KCTD20: variants seen among roughly 807,000 people sequenced by gnomAD.
The protein encoded by KCTD20 is BTB/POZ domain-containing protein KCTD20.
In KCTD20, 30 loss-of-function variants were observed where a neutral mutation model predicts 39.6. The ratio of observed to expected loss-of-function variants is 0.76; its 90% confidence interval spans 0.57 to 1.03. KCTD20 has a LOEUF of 1.03. Ranked by LOEUF, KCTD20 falls within the 50% of genes least tolerant of loss-of-function variation. The pLI is 0.00. For missense variants in KCTD20, 422 were observed against 522.0 expected (o/e 0.81, Z 1.87); for synonymous variants, 162 against 180.6 (o/e 0.90, Z 0.83).
At chr6:36,484,464 T>C (rs1213353598) in intron 6 of KCTD20, among the ~76,000 whole-genome samples, 1 of 152,184 alleles carries the variant, frequency 6.6e-6, no homozygotes. Context: ...TGCAGAGATG[T>C]TGTATTTCTA....
At chr6:36,465,157 G>A (rs917543474) in intron 1 of KCTD20, among the ~76,000 whole-genome samples, 2 of 151,972 alleles carry the variant, frequency 1.3e-5, no homozygotes, top group Non-Finnish European at 2.9e-5. Context: ...TTAGCCGGGC[G>A]TGATGGTGCA....
At position 36,474,864 on chromosome 6, in the gene KCTD20, A is replaced by C. The variant is rs1342676123; in HGVS notation, c.236A>C (p.Lys79Thr). The C allele has an allele frequency of 6.2e-7, 1 of 1,614,184 alleles. No homozygotes were observed. The highest frequency in any genetic ancestry group is 1.7e-5 in the Admixed American group (1 of 60,026). The change falls in exon 3 of 8, where the codon AAA becomes ACA. Residue 79 changes from lysine to threonine, a missense_variant. By Grantham distance (78) the Lys-to-Thr change is moderately conservative (BLOSUM62 -1). Coordinates refer to ENST00000373731, the MANE Select transcript of KCTD20 (RefSeq NM_173562.5). Reference protein sequence around the residue: ...PHIMPLAEDIKGSCFQSGNKR... With the variant: ...PHIMPLAEDITGSCFQSGNKR... ...ATAATGCCCCTTGCTGAAGACATCA[A>C]AGGTTCTTGCTTCCAAAGTGGGAAT...
chr6:36,466,731 G>A (rs566799223), intron 1 of KCTD20, among the ~76,000 whole-genome samples: 15 of 151,538 alleles, frequency 9.9e-5, no homozygotes, highest in African/African-American at 3.6e-4. Flanking sequence ...TTCTGAGGAC[G>A]AAGATTCATT....
intron 1 of KCTD20, among the ~76,000 whole-genome samples, chr6:36,448,013 GTGTATATATATATA>G (rs1215206069): frequency 2.3e-5 from 3 of 128,952 alleles, no homozygotes; most frequent in African/African-American, 9.7e-5. Context: ...GTATGTGTGT[GTGTATATATATATA>G]TATATATATA....
At chr6:36,472,582 G>C (rs1314750860) in intron 2 of KCTD20, among the ~76,000 whole-genome samples, 2 of 146,078 alleles carry the variant, frequency 1.4e-5, no homozygotes, top group Admixed American at 1.4e-4. Context: ...ATAGAAAAAT[G>C]TTAACAAATC....
In KCTD20 at chr6:36,487,911, A is replaced by G. The variant is rs1582384348; in HGVS notation, c.*736A>G. On this transcript the variant is annotated 3_prime_UTR_variant, in exon 8 of 8. Transcript: ENST00000373731. ...CATTTGGAATGAAACTCACAATGCA[A>G]GTAGAAGGACCTCTCCAAATCAGGC... The G allele has an allele frequency of 6.6e-6, 1 of 152,222 alleles. No homozygotes were observed. The highest frequency in any genetic ancestry group is 1.5e-5 in the Non-Finnish European group (1 of 68,046). The allele number at this position is 152,222 out of a possible 1,614,324, so 9.4% of individuals were successfully genotyped here.
At chr6:36,478,094 C>CAAA (rs1301151019) in intron 3 of KCTD20, among the ~76,000 whole-genome samples, 6 of 87,674 alleles carry the variant, frequency 6.8e-5, no homozygotes, top group Non-Finnish European at 8.7e-5. Flanking sequence ...AACTCCATCT[C>CAAA]AAAAAAAAAA....
At chr6:36,446,193 A>AT (rs1340095589) in intron 1 of KCTD20, among the ~76,000 whole-genome samples, 1 of 151,574 alleles carries the variant, frequency 6.6e-6, no homozygotes, top group Admixed American at 6.6e-5. Flanking sequence ...TGCCCGGCTA[A>AT]TTTTTTGTAT....
chr6:36,474,597 T>G (rs1776006905), intron 2 of KCTD20, among the ~76,000 whole-genome samples, 192 bp from the exon 3 acceptor site: 1 of 152,144 alleles, frequency 6.6e-6, no homozygotes, highest in Non-Finnish European at 1.5e-5. Flanking sequence ...ATGGAAGAGA[T>G]CCAATATAAG....
At chr6:36,478,661 G>T (rs1776145571) in intron 3 of KCTD20, among the ~76,000 whole-genome samples, 1 of 152,012 alleles carries the variant, frequency 6.6e-6, no homozygotes, top group African/African-American at 2.4e-5. Context: ...TTGATGAATG[G>T]CATATTAGAT....
At chr6:36,478,101 A>AAAGAAAAG (rs1776127158) in intron 3 of KCTD20, among the ~76,000 whole-genome samples, 1 of 145,702 alleles carries the variant, frequency 6.9e-6, no homozygotes, top group African/African-American at 2.6e-5. Context: ...TCTCAAAAAA[A>AAAGAAAAG]AAAAGAAAAG....
At chr6:36,452,177 A>G (rs1419129515) in intron 1 of KCTD20, among the ~76,000 whole-genome samples, 1 of 151,976 alleles carries the variant, frequency 6.6e-6, no homozygotes, top group Non-Finnish European at 1.5e-5. Context: ...GCCATAATGT[A>G]TTATCCTTTT....
chr6:36,485,494 T>A (rs1374697233), intron 7 of KCTD20, among the ~76,000 whole-genome samples: 3 of 76,220 alleles, frequency 3.9e-5, no homozygotes, highest in Non-Finnish European at 7.1e-5. Context: ...GGATCTTTTT[T>A]TTTTTTTTTT....
intron 2 of KCTD20, among the ~76,000 whole-genome samples, chr6:36,470,562 C>T (rs765668934): frequency 6.6e-6 from 1 of 152,128 alleles, no homozygotes; most frequent in Non-Finnish European, 1.5e-5. Flanking sequence ...ATGAGATCCT[C>T]AGTCTTTCTG....
chr6:36,460,377 C>T (rs551868483), intron 1 of KCTD20, among the ~76,000 whole-genome samples: 8 of 152,170 alleles, frequency 5.3e-5, no homozygotes, highest in Non-Finnish European at 1.2e-4. Context: ...GATCTCAGCT[C>T]AGTGCAACCT....
intron 1 of KCTD20, among the ~76,000 whole-genome samples, chr6:36,461,169 G>C (rs747359253): frequency 9.2e-5 from 14 of 152,150 alleles, no homozygotes; most frequent in Non-Finnish European, 1.9e-4. Context: ...ATATGTTCTT[G>C]AGTAATTTGG....
Position 36,484,830 on chromosome 6 carries a change from A to G in KCTD20, c.967+6A>G, listed in dbSNP as rs780052983. 9.7e-5 allele frequency: 144 copies of G among 1,488,394 alleles called. No individual in the cohort carries two copies. The highest frequency in any genetic ancestry group is 1.2e-4 in the Non-Finnish European group (133 of 1,076,860). 92.2% of individuals were successfully genotyped at this position (1,488,394 alleles called of 1,614,324 possible). A position where few individuals can be genotyped will look rare whatever the true frequency, so the allele number is the denominator to read the frequency against. The stretch of plus-strand genomic sequence containing the variant: ...CATTCGCATTGGAATTGAAGGTAAA[A>G]AAAAAAAAAAAATCCCAGTCAACAT... On this transcript the variant is annotated splice_donor_region_variant and intron_variant, in intron 7 of 7. Transcript: ENST00000373731.
intron 1 of KCTD20, among the ~76,000 whole-genome samples, chr6:36,447,166 A>G (rs1775072958): frequency 6.6e-6 from 1 of 152,154 alleles, no homozygotes; most frequent in Non-Finnish European, 1.5e-5. Flanking sequence ...TGACTCCTCC[A>G]TTTACTAGGT....
rs1776472181 is a variant in KCTD20 at position 36,487,811 on chromosome 6, G to A, written c.*636G>A. 1 of 152,208 alleles carries A rather than the reference G, an allele frequency of 6.6e-6. No homozygotes were observed. Among genetic ancestry groups the A allele is most frequent in the Non-Finnish European group, 1.5e-5 (1 of 68,054 alleles). 9.4% of individuals were successfully genotyped at this position (152,208 alleles called of 1,614,324 possible). On this transcript the variant is annotated 3_prime_UTR_variant, in exon 8 of 8. Coordinates refer to ENST00000373731, the MANE Select transcript of KCTD20 (RefSeq NM_173562.5). ...CAAAACCACACAGATTCCTTGGCAG[G>A]AAGGATAATGGAATAACAGTGTTGA... is the stretch of plus-strand genomic sequence containing the variant.
Sources: gnomAD v4.1 joint callset for allele counts (sites outside exome capture counted in the v4.1 genomes callset) on GRCh38, gnomAD v4.1.1 for gene constraint, MANE v1.5 for transcripts, NCBI Gene and HGNC (gene_info 2026-07-23, HGNC 2026-07-21) for gene names.